The following SH3PXD2A variants were observed in gnomAD, a reference collection of about 807,000 sequenced individuals.
SH3PXD2A encodes the protein SH3 and PX domain-containing protein 2A.
SH3PXD2A carries 32 observed loss-of-function variants against 115.2 expected under a neutral mutation model. The ratio of observed to expected loss-of-function variants is 0.28; its 90% CI spans 0.21 to 0.37. The LOEUF is 0.37. Ranked by LOEUF, SH3PXD2A falls within the 10% of genes least tolerant of loss-of-function variation. SH3PXD2A has a pLI of 1.00. For missense variants in SH3PXD2A, 1,328 were observed against 1,498.7 expected, an observed-to-expected ratio of 0.89 and a Z score of 1.88; for synonymous variants, 610 against 629.1, an observed-to-expected ratio of 0.97 and a Z score of 0.45.
chr10:103,663,933 C>T (rs1377835332), intron 7 of SH3PXD2A, among the ~76,000 whole-genome samples: 12 of 152,214 alleles, frequency 7.9e-5, no homozygotes, highest in Admixed American at 4.6e-4. Context: ...CTGCTAAAGC[C>T]GGGATTGTAT....
chr10:103,728,643 T>C (rs2038272909), intron 4 of SH3PXD2A, among the ~76,000 whole-genome samples: 1 of 152,218 alleles, frequency 6.6e-6, no homozygotes, highest in African/African-American at 2.4e-5. Flanking sequence ...TCACCATGTT[T>C]GTTACCATCA....
intron 1 of SH3PXD2A, among the ~76,000 whole-genome samples, chr10:103,810,950 G>GTGCACA (rs2039263127): frequency 4.2e-4 from 2 of 4,782 alleles, no homozygotes; most frequent in Non-Finnish European, 6.5e-4. Context: ...AGGCGCGCGC[G>GTGCACA]CGCACACACA....
chr10:103,668,639 G>T lies in SH3PXD2A; in HGVS notation c.441C>A (p.Ser147Arg), dbSNP rs1405864132. The T allele has an allele frequency of 6.4e-7, 1 of 1,559,634 alleles. No homozygotes were observed. The highest frequency in any genetic ancestry group is 8.7e-7 in the Non-Finnish European group (1 of 1,151,570). ...SSKRKSVWLSSWAESPKKDVT... is the reference protein window; with the variant it reads ...SSKRKSVWLSRWAESPKKDVT... Reference sequence around the variant, plus strand: ...CGTCCTTCTTGGGCGACTCAGCCCAGCTGGACAGCCACACTTCCGAGTCCC... The same window carrying T: ...CGTCCTTCTTGGGCGACTCAGCCCATCTGGACAGCCACACTTCCGAGTCCC... Residue 147 changes from serine (S) to arginine (R), a missense_variant, in exon 7 of 15, where the codon AGC becomes AGA. Coordinates refer to ENST00000369774, the MANE Select transcript of SH3PXD2A (RefSeq NM_001394015.1).
At chr10:103,734,197 A>G (rs1004661311) in intron 4 of SH3PXD2A, among the ~76,000 whole-genome samples, 1 of 152,174 alleles carries the variant, frequency 6.6e-6, no homozygotes, top group Non-Finnish European at 1.5e-5. Context: ...ATACTCTAAT[A>G]CCAGCACTTG....
intron 3 of SH3PXD2A, chr10:103,736,729 A>G (rs1441441805): frequency 2.4e-6 from 3 of 1,275,982 alleles, no homozygotes; most frequent in Non-Finnish European, 3.1e-6. Flanking sequence ...GAGTTATAGC[A>G]CTTGTGACCC....
intron 1 of SH3PXD2A, among the ~76,000 whole-genome samples, chr10:103,853,322 T>C (rs779890269): frequency 6.6e-6 from 1 of 152,238 alleles, no homozygotes; most frequent in Non-Finnish European, 1.5e-5. Context: ...AATACTTTCT[T>C]AGTCAGAATC....
intron 3 of SH3PXD2A, among the ~76,000 whole-genome samples, chr10:103,737,815 T>A (rs2038397276): frequency 6.6e-6 from 1 of 152,172 alleles, no homozygotes; most frequent in Non-Finnish European, 1.5e-5. Flanking sequence ...CCAGGGGCCA[T>A]GAAAACCCCA....
rs1223538627 is a variant in SH3PXD2A, at chr10:103,823,214, A to G, written c.73-21852T>C. On this transcript the variant is annotated intron_variant, in intron 1 of 14. Transcript: ENST00000369774. ...TTTGCAACTGTCTCAAAATCTAGGT[A>G]GCCTAGGTTTGCTGACAGGGAGAGA... is the stretch of plus-strand genomic sequence containing the variant. Among the ~76,000 whole-genome samples, 3 of 152,376 alleles carry G rather than the reference A, an allele frequency of 2.0e-5. No homozygotes were observed. The East Asian group carries it at 5.8e-4, about 29-fold the overall frequency.
At chr10:103,771,187 A>T (rs978260322) in intron 2 of SH3PXD2A, among the ~76,000 whole-genome samples, 2 of 152,170 alleles carry the variant, frequency 1.3e-5, no homozygotes, top group Non-Finnish European at 2.9e-5. Flanking sequence ...GTGAGACCTC[A>T]CCCAAGGTGC....
At chr10:103,729,335 A>C (rs797013504) in intron 4 of SH3PXD2A, among the ~76,000 whole-genome samples, 7 of 152,358 alleles carry the variant, frequency 4.6e-5, no homozygotes, top group African/African-American at 1.7e-4. Context: ...GCCCTGTGGA[A>C]CACAGCTGAG....
chr10:103,735,132 G>A (rs1264082614), intron 4 of SH3PXD2A, among the ~76,000 whole-genome samples: 2 of 152,228 alleles, frequency 1.3e-5, no homozygotes, highest in Admixed American at 6.5e-5. Flanking sequence ...CTGCAGCAGC[G>A]CTGGGCTCTA....
At position 103,612,704 on chromosome 10, in the gene SH3PXD2A, A is replaced by T. The variant is rs1334302939; in HGVS notation, c.1258+149T>A. Reference sequence around the variant, plus strand: ...TCCACTCCTGTGATGAGCATGACACAAGTTGACAGAGTGAGGGTCAAAGGC... The same window carrying T: ...TCCACTCCTGTGATGAGCATGACACTAGTTGACAGAGTGAGGGTCAAAGGC... On this transcript the variant is annotated intron_variant, in intron 12 of 14. Transcript: ENST00000369774. 5 of 570,838 alleles carry T rather than the reference A, an allele frequency of 8.8e-6. No individual in the cohort carries two copies. In the African/African-American group the frequency reaches 9.5e-5, roughly 11 times the overall value. 35.4% of individuals were successfully genotyped at this position (570,838 alleles called of 1,614,324 possible). A position where few individuals can be genotyped will look rare whatever the true frequency, so the allele number is the denominator to read the frequency against.
intron 1 of SH3PXD2A, among the ~76,000 whole-genome samples, chr10:103,814,019 C>CAAA (rs1252173616): frequency 8.1e-6 from 1 of 123,518 alleles, no homozygotes; most frequent in Non-Finnish European, 1.7e-5. Context: ...AAAAAAACAA[C>CAAA]AAAAAAAAAA....
intron 1 of SH3PXD2A, among the ~76,000 whole-genome samples, chr10:103,834,775 C>A (rs567082421): frequency 6.6e-6 from 1 of 152,266 alleles, no homozygotes; most frequent in South Asian, 2.1e-4. Context: ...AAACTGAGGC[C>A]CAGGCAGATT....
intron 13 of SH3PXD2A, among the ~76,000 whole-genome samples, chr10:103,606,214 A>G (rs576730256): frequency 6.6e-6 from 1 of 150,762 alleles, no homozygotes; most frequent in Admixed American, 6.6e-5. Flanking sequence ...CATCATCATC[A>G]TCATCATTAC....
intron 4 of SH3PXD2A, among the ~76,000 whole-genome samples, chr10:103,731,130 G>A (rs1265553283): frequency 6.6e-6 from 1 of 151,848 alleles, no homozygotes; most frequent in Non-Finnish European, 1.5e-5. Context: ...TTCTTCTCGG[G>A]GGCAGCAGGA....
intron 6 of SH3PXD2A, 30 bp downstream of exon 6, chr10:103,692,998 T>C: frequency 3.8e-6 from 6 of 1,592,558 alleles, no homozygotes; most frequent in Non-Finnish European, 5.1e-6. Context: ...GAAGGAAGGC[T>C]GAAGGGAAAA....
chr10:103,635,282 A>C (rs1207610619), intron 8 of SH3PXD2A, among the ~76,000 whole-genome samples: 2 of 152,230 alleles, frequency 1.3e-5, no homozygotes, highest in African/African-American at 4.8e-5. Context: ...TTCCAGGTAC[A>C]AAGGAAGCAG....
intron 6 of SH3PXD2A, among the ~76,000 whole-genome samples, chr10:103,672,998 T>C (rs1318672676): frequency 2.0e-5 from 3 of 152,184 alleles, no homozygotes; most frequent in African/African-American, 7.2e-5. Flanking sequence ...GGTACTTAGA[T>C]GCTGAACCTG....
Sources: gnomAD v4.1 joint callset for allele counts (sites outside exome capture counted in the v4.1 genomes callset) on GRCh38, gnomAD v4.1.1 for gene constraint, MANE v1.5 for transcripts, NCBI Gene and HGNC (gene_info 2026-07-23, HGNC 2026-07-21) for gene names.